PATJ: variants seen among roughly 807,000 people sequenced by gnomAD.
PATJ encodes inaD-like protein.
Under a neutral mutation model 224.9 loss-of-function variants are expected in PATJ, and 190 were observed. The ratio of observed to expected loss-of-function variants is 0.84; its 90% CI spans 0.75 to 0.95. The LOEUF is 0.95. PATJ is among the 40% of genes least tolerant of loss of function. PATJ has a pLI of 0.00. For synonymous variants in PATJ, 769 were observed against 820.3 expected (o/e 0.94, Z 1.07); for missense variants, 2,121 against 2,270.3 (o/e 0.93, Z 1.34).
chr1:62,126,850 T>C (rs1021774142), intron 39 of PATJ, among the ~76,000 whole-genome samples: 2 of 152,180 alleles, frequency 1.3e-5, no homozygotes, highest in African/African-American at 4.8e-5. Context: ...TGTGTGTGTG[T>C]GTGTTTAATT....
chr1:61,874,706 T>TA (rs1241860985), intron 20 of PATJ, among the ~76,000 whole-genome samples: 2 of 152,168 alleles, frequency 1.3e-5, no homozygotes, highest in African/African-American at 4.8e-5. Flanking sequence ...AACATGTATA[T>TA]AAAAGCAAGA....
intron 31 of PATJ, among the ~76,000 whole-genome samples, chr1:62,057,662 G>A (rs916131848): frequency 3.3e-5 from 5 of 152,238 alleles, no homozygotes; most frequent in Admixed American, 1.3e-4. Context: ...GGTTTACTAG[G>A]TAAGTTTCAC....
At chr1:61,846,050 A>T (rs142985776) in intron 17 of PATJ, 21 of 152,316 alleles carry the variant, frequency 1.4e-4, no homozygotes, top group African/African-American at 4.6e-4. Context: ...AATCGGATGG[A>T]AACTCCTCAA....
chr1:61,877,700 G>A (rs1336347212), intron 21 of PATJ, among the ~76,000 whole-genome samples: 2 of 152,056 alleles, frequency 1.3e-5, no homozygotes, highest in Non-Finnish European at 2.9e-5. Flanking sequence ...CATGCCTCTC[G>A]TACAGCCTGT....
intron 28 of PATJ, among the ~76,000 whole-genome samples, chr1:61,999,061 A>G (rs1645584584): frequency 6.6e-6 from 1 of 152,020 alleles, no homozygotes; most frequent in African/African-American, 2.4e-5. Flanking sequence ...AGTAAAAATG[A>G]TGATTGAAGA....
At chr1:62,127,537 A>G (rs917193870) in intron 39 of PATJ, among the ~76,000 whole-genome samples, 9 of 151,744 alleles carry the variant, frequency 5.9e-5, no homozygotes, top group African/African-American at 2.2e-4. Context: ...TGGGTAGGGT[A>G]GTTCACGTCT....
intron 39 of PATJ, among the ~76,000 whole-genome samples, chr1:62,123,847 C>A (rs894850553): frequency 1.3e-5 from 2 of 151,358 alleles, no homozygotes; most frequent in South Asian, 2.1e-4. Flanking sequence ...TTTTTGCTAT[C>A]TTTTATAGTA....
intron 28 of PATJ, among the ~76,000 whole-genome samples, chr1:62,002,822 A>G (rs9661818): frequency 0.18 from 27,831 of 152,114 alleles, 2,714 homozygotes; most frequent in Non-Finnish European, 0.21. Flanking sequence ...CTATGTCTAT[A>G]CAAGGGACAA....
At chr1:61,783,037 G>A (rs900324830) in intron 7 of PATJ, among the ~76,000 whole-genome samples, 1 of 152,202 alleles carries the variant, frequency 6.6e-6, no homozygotes, top group African/African-American at 2.4e-5. Flanking sequence ...TACTAGGAAG[G>A]AATGGAACCA....
chr1:62,124,164 C>A (rs1665429682), intron 39 of PATJ, among the ~76,000 whole-genome samples: 1 of 151,928 alleles, frequency 6.6e-6, no homozygotes. Context: ...CTCACTGCAA[C>A]CTCCACCTCC....
chr1:62,048,610 T>G (rs4915603), intron 30 of PATJ, among the ~76,000 whole-genome samples: 60,709 of 143,614 alleles, frequency 0.42, 12,863 homozygotes, highest in Middle Eastern at 0.53. Context: ...ATATTTAAAA[T>G]CTAGAAACAA....
chr1:61,853,956 C>G (rs1663240891), intron 17 of PATJ, among the ~76,000 whole-genome samples: 1 of 151,912 alleles, frequency 6.6e-6, no homozygotes, highest in Non-Finnish European at 1.5e-5. Context: ...GGGTTAGTTG[C>G]AAAAAGCAAG....
intron 27 of PATJ, among the ~76,000 whole-genome samples, chr1:61,937,892 C>T (rs191670237): frequency 8.5e-5 from 13 of 152,242 alleles, no homozygotes; most frequent in African/African-American, 3.1e-4. Context: ...TCAGATGATC[C>T]ACCTGCCTCG....
chr1:61,783,574 C>T (rs1417683298), intron 7 of PATJ, among the ~76,000 whole-genome samples: 1 of 150,598 alleles, frequency 6.6e-6, no homozygotes, highest in African/African-American at 2.4e-5. Context: ...AGCCATGGTA[C>T]CTGGATTCAT....
At chr1:61,829,711 T>C (rs965050152) in intron 16 of PATJ, among the ~76,000 whole-genome samples, 1 of 152,218 alleles carries the variant, frequency 6.6e-6, no homozygotes, top group Non-Finnish European at 1.5e-5. Flanking sequence ...TTTCTTAAAG[T>C]CTTGGCTCTT....
intron 27 of PATJ, among the ~76,000 whole-genome samples, chr1:61,981,421 A>AT (rs1644441800): frequency 6.6e-6 from 1 of 151,990 alleles, no homozygotes; most frequent in African/African-American, 2.4e-5. Flanking sequence ...AGAAAGTATT[A>AT]TTTTTTCCTC....
intron 21 of PATJ, among the ~76,000 whole-genome samples, chr1:61,881,402 C>G (rs1571083055): frequency 8.4e-6 from 1 of 119,576 alleles, no homozygotes; most frequent in East Asian, 2.5e-4. Context: ...ACAGTTAAAA[C>G]AGTTATTTTT....
In PATJ at chr1:61,771,564, G is replaced by C; in HGVS notation, c.658G>C (p.Glu220Gln). The change falls in exon 6 of 44, where the codon GAA (glutamate) becomes CAA (glutamine). Residue 220 changes from glutamate to glutamine, a missense_variant. Transcript: ENST00000642238. The part of the protein sequence containing the change: ...TGSLRLIVAR[E>Q]PVHTKSSTSS... Reference sequence around the variant, plus strand: ...ATCTTTGAGACTGATTGTGGCCAGGGAACCAGTCCACACAAAAAGCAGTAC... The same window carrying C: ...ATCTTTGAGACTGATTGTGGCCAGGCAACCAGTCCACACAAAAAGCAGTAC... 1.2e-6 allele frequency: 2 copies of C among 1,612,422 alleles called. No homozygotes were observed. Among genetic ancestry groups the C allele is most frequent in the Non-Finnish European group, 1.7e-6 (2 of 1,179,480 alleles).
chr1:61,977,577 G>A (rs1159933870), intron 27 of PATJ, among the ~76,000 whole-genome samples: 3 of 151,940 alleles, frequency 2.0e-5, no homozygotes, highest in Non-Finnish European at 4.4e-5. Flanking sequence ...TTGTAGACGC[G>A]TCCTAGAGTC....
Sources: allele counts gnomAD v4.1 joint callset (sites outside exome capture counted in the v4.1 genomes callset), GRCh38; gene constraint gnomAD v4.1.1; transcripts MANE v1.5; gene names NCBI Gene and HGNC (gene_info 2026-07-23, HGNC 2026-07-21).